GSE1: variants seen among roughly 807,000 people sequenced by gnomAD.
The protein encoded by GSE1 is genetic suppressor element 1.
In GSE1, 32 loss-of-function variants were observed where a neutral mutation model predicts 112.6. That is an observed-to-expected ratio of 0.28 (90% CI 0.21 to 0.38). The LOEUF (loss-of-function observed/expected upper bound fraction) is 0.38. Among genes scored for constraint, GSE1 ranks in the 10% least tolerant of loss-of-function variants. The pLI is 1.00. For synonymous variants in GSE1, 1,115 were observed against 735.6 expected (o/e 1.52, Z -8.35); for missense variants, 2,348 against 1,699.2 (o/e 1.38, Z -6.71).
intron 1 of GSE1, chr16:85,593,119 G>A (rs572836484): frequency 2.3e-4 from 35 of 152,474 alleles, no homozygotes; most frequent in African/African-American, 8.4e-4. Flanking sequence ...ACTGGCTGGG[G>A]TCACACAGCT....
intron 2 of GSE1, among the ~76,000 whole-genome samples, chr16:85,640,248 C>T (rs1028741801): frequency 1.4e-4 from 21 of 152,168 alleles, no homozygotes; most frequent in Non-Finnish European, 2.4e-4. Context: ...GCCCACACTT[C>T]GCTCCCTTAA....
intron 1 of GSE1, among the ~76,000 whole-genome samples, chr16:85,176,144 A>G (rs1265632887): frequency 1.3e-5 from 2 of 152,156 alleles, no homozygotes; most frequent in African/African-American, 4.8e-5. Context: ...GTGCGCCACC[A>G]TGCCAAGCTA....
At chr16:85,370,950 G>T (rs1597509581) in intron 2 of GSE1, among the ~76,000 whole-genome samples, 1 of 152,218 alleles carries the variant, frequency 6.6e-6, no homozygotes, top group East Asian at 1.9e-4. Flanking sequence ...CCTGTGCCAG[G>T]GTGGGGCGGA....
chr16:85,673,546 G>GTGTT lies in GSE1; in HGVS notation c.*1009_*1012dup, dbSNP rs920341903. 1.3e-5 allele frequency: 2 copies of GTGTT among 150,776 alleles called. No homozygotes were observed. Among genetic ancestry groups the GTGTT allele is most frequent in the African/African-American group, 4.9e-5 (2 of 40,702 alleles). The allele number at this position is 150,776 out of a possible 1,614,324, so 9.3% of individuals were successfully genotyped here. ...CTGGTCAGGACATTAAAATATTGAA[G>GTGTT]TGTTTTTAAAAATTAAAGAAGAAGA... On this transcript the variant is annotated 3_prime_UTR_variant, in exon 16 of 16. Coordinates refer to ENST00000253458, the MANE Select transcript of GSE1 (RefSeq NM_014615.5).
chr16:85,195,271 G>A (rs759388951), intron 1 of GSE1, among the ~76,000 whole-genome samples: 2 of 152,168 alleles, frequency 1.3e-5, no homozygotes, highest in Admixed American at 6.5e-5. Context: ...GGTGAACGAC[G>A]CTGTAACAAA....
At chr16:85,495,289 G>A (rs1011676604) in intron 2 of GSE1, among the ~76,000 whole-genome samples, 2 of 152,158 alleles carry the variant, frequency 1.3e-5, no homozygotes, top group East Asian at 3.9e-4. Context: ...GTGTGGGGGC[G>A]AGGAGGGAGC....
At chr16:85,488,937 A>C (rs1398815357) in intron 2 of GSE1, among the ~76,000 whole-genome samples, 1 of 152,074 alleles carries the variant, frequency 6.6e-6, no homozygotes, top group Non-Finnish European at 1.5e-5. Context: ...GGCCATCAAC[A>C]GCCCTGGCCT....
In GSE1 at chr16:85,475,098, T is replaced by C. The variant is rs566657013; in HGVS notation, c.2464+117455T>C. On this transcript the variant is annotated intron_variant, in intron 2 of 2. Transcript: ENST00000637419. ...GTAATAACACTCCCCGATGGGTTAA[T>C]TGACCCTGCTCTGACGGGCAGTCCC... Among the ~76,000 whole-genome samples the C allele has an allele frequency of 2.4e-4, 37 of 152,318 alleles. No individual in the cohort carries two copies. In the East Asian group the frequency reaches 6.0e-3, roughly 25 times the overall value.
chr16:85,538,871 C>T lies in GSE1; in HGVS notation c.2465-95043C>T, dbSNP rs114214283. Among the ~76,000 whole-genome samples, 667 of 152,330 alleles carry T rather than the reference C, an allele frequency of 4.4e-3. 5 individuals are homozygous for T. Among genetic ancestry groups the T allele is most frequent in the African/African-American group, 0.015 (621 of 41,574 alleles). On this transcript the variant is annotated intron_variant, in intron 2 of 2. Coordinates refer to the GSE1 transcript ENST00000637419. ...CTCTGGGGCTCCTCCCCATCTCCCA[C>T]CAGTCCCTCTCCAGCCCCCAAATCT...
At chr16:85,583,808 A>G (rs577495768) in intron 1 of GSE1, among the ~76,000 whole-genome samples, 1 of 152,308 alleles carries the variant, frequency 6.6e-6, no homozygotes, top group South Asian at 2.1e-4. Flanking sequence ...CCTGACCCAG[A>G]AAAGGCAATT....
intron 1 of GSE1, among the ~76,000 whole-genome samples, chr16:85,631,432 G>A (rs2049531638): frequency 6.6e-6 from 1 of 152,226 alleles, no homozygotes; most frequent in African/African-American, 2.4e-5. Context: ...TGGGCTCGTG[G>A]GCCCAGGGCA....
intron 2 of GSE1, among the ~76,000 whole-genome samples, chr16:85,430,682 C>T (rs2049098487): frequency 6.6e-6 from 1 of 152,332 alleles, no homozygotes; most frequent in South Asian, 2.1e-4. Context: ...TCCCCAGGTA[C>T]GGGCTGGGCA....
At position 85,636,811 on chromosome 16, in the gene GSE1, G is replaced by C. The variant is rs540746996; in HGVS notation, c.226+2679G>C. Among the ~76,000 whole-genome samples the C allele has an allele frequency of 1.1e-4, 16 of 152,274 alleles. 1 individual carries two copies. In the East Asian group the frequency reaches 2.9e-3, roughly 28 times the overall value. On this transcript the variant is annotated intron_variant, in intron 2 of 15. Coordinates refer to ENST00000253458, the MANE Select transcript of GSE1 (RefSeq NM_014615.5). ...GCCAGTGGAGCAGGGAGCTGGCGTT[G>C]GGCGCACAAAAGGGTCTATGCCTGG...
chr16:85,331,571 ATGTGTACATG>A lies in GSE1; in HGVS notation c.2284-25888_2284-25879del, dbSNP rs372937493. On this transcript the variant is annotated intron_variant, in intron 1 of 2. Coordinates refer to the GSE1 transcript ENST00000637419. ...TGTATATATGTGTATATGTGTATAT[ATGTGTACATG>A]TGTATATATGTGTATATGTGTATTT... Among the ~76,000 whole-genome samples, 168 of 53,160 alleles carry A rather than the reference ATGTGTACATG, an allele frequency of 3.2e-3. 1 individual carries two copies. Among genetic ancestry groups the A allele is most frequent in the African/African-American group, 6.5e-3 (70 of 10,724 alleles). The allele number at this position is 53,160 out of a possible 152,430, so 34.9% of individuals were successfully genotyped here.
intron 2 of GSE1, among the ~76,000 whole-genome samples, chr16:85,425,152 G>A (rs1597717078): frequency 2.0e-5 from 3 of 152,258 alleles, no homozygotes; most frequent in African/African-American, 7.2e-5. Context: ...ATCCCTGGCT[G>A]TCCCTGCATT....
intron 1 of GSE1, among the ~76,000 whole-genome samples, chr16:85,330,258 T>C (rs1328835347): frequency 6.6e-6 from 1 of 152,112 alleles, no homozygotes; most frequent in Non-Finnish European, 1.5e-5. Context: ...AAGAGGGTGA[T>C]GGAAGCTGAT....
chr16:85,414,038 G>A (rs1466619894), intron 2 of GSE1, among the ~76,000 whole-genome samples: 2 of 152,192 alleles, frequency 1.3e-5, no homozygotes, highest in South Asian at 4.1e-4. Context: ...GCAGAACTGT[G>A]AATCCATTAA....
At chr16:85,507,602 G>A (rs779193564) in intron 2 of GSE1, among the ~76,000 whole-genome samples, 6 of 152,168 alleles carry the variant, frequency 3.9e-5, no homozygotes, top group Admixed American at 6.5e-5. Context: ...TTTCCTCTGG[G>A]GCCCCTCGCC....
chr16:85,322,301 C>T (rs1481564929), intron 1 of GSE1, among the ~76,000 whole-genome samples: 1 of 100,858 alleles, frequency 9.9e-6, no homozygotes, highest in South Asian at 3.5e-4. Flanking sequence ...CCCGGGCGGG[C>T]GGGGGGGAAG....
Sources: gnomAD v4.1 joint callset for allele counts (sites outside exome capture counted in the v4.1 genomes callset) on GRCh38, gnomAD v4.1.1 for gene constraint, MANE v1.5 for transcripts, NCBI Gene and HGNC (gene_info 2026-07-23, HGNC 2026-07-21) for gene names.